Variants in CLPX observed in about 807,000 individuals in gnomAD.
CLPX encodes ATP-dependent clpX-like chaperone, mitochondrial.
A neutral mutation model predicts 76.4 loss-of-function variants in CLPX; 34 were observed. The observed-to-expected ratio is 0.45, with a 90% confidence interval of 0.34 to 0.59. The LOEUF (loss-of-function observed/expected upper bound fraction) is 0.59. Among genes scored for constraint, CLPX ranks in the 20% least tolerant of loss-of-function variants. The pLI, the probability that CLPX is intolerant of heterozygous loss-of-function variation, is 0.01. For missense variants in CLPX, 613 were observed against 757.0 expected (o/e 0.81, Z 2.23); for synonymous variants, 248 against 270.9 (o/e 0.92, Z 0.83).
chr15:65,168,489 A>ATCG (rs2087950835), intron 3 of CLPX, among the ~76,000 whole-genome samples: 3 of 149,338 alleles, frequency 2.0e-5, no homozygotes, highest in Admixed American at 1.4e-4. Context: ...TGAGCAAACT[A>ATCG]TCGCAAGGAC....
chr15:65,151,001 C>A, intron 13 of CLPX, 88 bp from the exon 14 acceptor site: 1 of 860,950 alleles, frequency 1.2e-6, no homozygotes, highest in East Asian at 2.5e-5. Context: ...GTAACCTCTC[C>A]TAGCTAAGAA....
chr15:65,158,507 C>G (rs903850624), intron 7 of CLPX, 68 bp downstream of exon 7: 1 of 1,312,970 alleles, frequency 7.6e-7, no homozygotes, highest in Non-Finnish European at 1.1e-6. Context: ...TCGCAAGATA[C>G]AGGTTATAGA....
chr15:65,180,259 G>A (rs2088147768), intron 1 of CLPX, 55 bp from the exon 2 acceptor site: 34 of 1,361,366 alleles, frequency 2.5e-5, no homozygotes, highest in South Asian at 7.4e-5. Flanking sequence ...TAAATCCCCT[G>A]GAAACAAAAA....
rs1350264329 is a variant in CLPX at position 65,148,249 on chromosome 15, G to A, written c.*2574C>T. ...TTTAGTCTTTTTGTTTTATTCAAAT[G>A]TCAAAATGTAAGTTCCAAGATACAA... On this transcript the variant is annotated 3_prime_UTR_variant, in exon 14 of 14. Transcript: ENST00000300107. 6.6e-6 allele frequency: 1 copy of A among 152,172 alleles called. No individual in the cohort carries two copies. The highest frequency in any genetic ancestry group is 1.9e-4 in the East Asian group (1 of 5,200). The allele number at this position is 152,172 out of a possible 1,614,324, so 9.4% of individuals were successfully genotyped here.
At chr15:65,165,820 TA>T (rs1264084997) in intron 4 of CLPX, among the ~76,000 whole-genome samples, 2 of 152,252 alleles carry the variant, frequency 1.3e-5, no homozygotes, top group African/African-American at 4.8e-5. Context: ...ATTATAGTTT[TA>T]AACATCTTTA....
At chr15:65,157,595 A>G (rs924198174) in intron 8 of CLPX, 151 bp downstream of exon 8, 30 of 766,396 alleles carry the variant, frequency 3.9e-5, no homozygotes, top group Non-Finnish European at 5.7e-5. Flanking sequence ...TGTGGCCCTT[A>G]ATCAGTATGC....
In CLPX at chr15:65,172,569, T is replaced by C. The variant is rs145786662; in HGVS notation, c.359-5784A>G. Among the ~76,000 whole-genome samples, 587 of 151,840 alleles carry C rather than the reference T, an allele frequency of 3.9e-3. 2 individuals are homozygous for C. The highest frequency in any genetic ancestry group is 0.01 in the Admixed American group (153 of 15,244). The stretch of plus-strand genomic sequence containing the variant: ...ACTGCTTGAATCCGAGAGGTGGAGG[T>C]TGCAGTGAGCCTCGATCACACCACT... On this transcript the variant is annotated intron_variant, in intron 3 of 13. Transcript: ENST00000300107.
At chr15:65,172,407 G>A (rs567495549) in intron 3 of CLPX, among the ~76,000 whole-genome samples, 30 of 152,148 alleles carry the variant, frequency 2.0e-4, no homozygotes, top group African/African-American at 7.2e-4. Flanking sequence ...TGAGGTGGGC[G>A]GATCACAAGG....
intron 3 of CLPX, among the ~76,000 whole-genome samples, chr15:65,170,824 T>TC (rs1476275717): frequency 7.2e-6 from 1 of 138,442 alleles, no homozygotes; most frequent in African/African-American, 2.7e-5. Context: ...CTGTTCTTCT[T>TC]TTTTTTTTTT....
intron 11 of CLPX, among the ~76,000 whole-genome samples, chr15:65,154,280 G>A (rs1480039007): frequency 1.3e-5 from 2 of 152,130 alleles, no homozygotes; most frequent in Non-Finnish European, 2.9e-5. Flanking sequence ...TATCAAAGGG[G>A]CTTGACTTGA....
intron 13 of CLPX, among the ~76,000 whole-genome samples, 160 bp from the exon 14 acceptor site, chr15:65,151,073 A>AATATCTGTAATCCCAGCATTTT (rs1289420758): frequency 6.6e-6 from 1 of 152,130 alleles, no homozygotes; most frequent in East Asian, 1.9e-4. Flanking sequence ...GGCCGGACAC[A>AATATCTGTAATCCCAGCATTTT]GTGGCTCACA....
chr15:65,183,460 CAAAAAAAAAAAAA>C (rs61002905), intron 1 of CLPX, among the ~76,000 whole-genome samples: 3 of 66,254 alleles, frequency 4.5e-5, no homozygotes, highest in East Asian at 4.7e-4. Context: ...GACTCTGTCT[CAAAAAAAAAAAAA>C]AAAAAAAAAG....
intron 3 of CLPX, among the ~76,000 whole-genome samples, chr15:65,178,140 A>AGG (rs2088113953): frequency 6.6e-6 from 1 of 152,068 alleles, no homozygotes. Context: ...TAATTATCAG[A>AGG]TGCTTCCCGG....
At chr15:65,159,707 C>T (rs979167060) in intron 6 of CLPX, among the ~76,000 whole-genome samples, 14 of 152,150 alleles carry the variant, frequency 9.2e-5, no homozygotes, top group Middle Eastern at 3.4e-3. Context: ...AAAGATTATC[C>T]AGATTTGTAA....
intron 4 of CLPX, among the ~76,000 whole-genome samples, chr15:65,164,988 G>T (rs1345607606): frequency 6.6e-6 from 1 of 151,922 alleles, no homozygotes; most frequent in East Asian, 1.9e-4. Context: ...TTGGAACCTG[G>T]GGTAAATTTT....
At chr15:65,162,931 T>C (rs1046373587) in intron 5 of CLPX, among the ~76,000 whole-genome samples, 2 of 152,210 alleles carry the variant, frequency 1.3e-5, no homozygotes, top group African/African-American at 2.4e-5. Flanking sequence ...CTATAAATAT[T>C]ATAACCATTT....
intron 13 of CLPX, among the ~76,000 whole-genome samples, chr15:65,151,682 T>C (rs2087722874): frequency 6.6e-6 from 1 of 152,114 alleles, no homozygotes; most frequent in South Asian, 2.1e-4. Context: ...GTCAATGTCA[T>C]TAAACAATAA....
chr15:65,168,383 C>CAAAAAAAAAAAAAAAAAA lies in CLPX; in HGVS notation c.359-1616_359-1599dup, dbSNP rs71136319. Among the ~76,000 whole-genome samples the CAAAAAAAAAAAAAAAAAA allele has an allele frequency of 8.4e-5, 3 of 35,660 alleles. 1 individual carries two copies. 23.4% of individuals were successfully genotyped at this position (35,660 alleles called of 152,430 possible). On this transcript the variant is annotated intron_variant, in intron 3 of 13. Transcript: ENST00000300107. Reference sequence around the variant, plus strand: ...TGGGCGACAAAGTGAGACTCTGTCTCAAAAAAAAAAAAAAAAAAAAAAAAA... The same window carrying CAAAAAAAAAAAAAAAAAA: ...TGGGCGACAAAGTGAGACTCTGTCTCAAAAAAAAAAAAAAAAAAAAAAAAAAAAAAAAAAAAAAAAAAA...
intron 11 of CLPX, among the ~76,000 whole-genome samples, chr15:65,154,491 A>G (rs2087762797): frequency 6.6e-6 from 1 of 152,204 alleles, no homozygotes; most frequent in Admixed American, 6.5e-5. Context: ...GAATACCAAG[A>G]CTGAAAGGAC....
Sources: allele counts gnomAD v4.1 joint callset (sites outside exome capture counted in the v4.1 genomes callset), GRCh38; gene constraint gnomAD v4.1.1; transcripts MANE v1.5; gene names NCBI Gene and HGNC (gene_info 2026-07-23, HGNC 2026-07-21).